PTPRC: variants seen among roughly 807,000 people sequenced by gnomAD.
PTPRC encodes protein tyrosine phosphatase receptor type C, also known as receptor-type tyrosine-protein phosphatase C.
In PTPRC, 44 loss-of-function variants were observed where a neutral mutation model predicts 155.9. The observed-to-expected ratio is 0.28, with a 90% CI of 0.22 to 0.36. The LOEUF (loss-of-function observed/expected upper bound fraction) is 0.36. Ranked by LOEUF, PTPRC falls within the 10% of genes least tolerant of loss-of-function variation. PTPRC has a pLI of 1.00. For synonymous variants in PTPRC, 525 were observed against 533.1 expected (o/e 0.98, Z 0.21); for missense variants, 1,401 against 1,564.6 (o/e 0.90, Z 1.76).
intron 24 of PTPRC, 34 bp downstream of exon 24, chr1:198,742,060 CA>C (rs781182984): frequency 6.2e-6 from 10 of 1,603,796 alleles, no homozygotes; most frequent in African/African-American, 2.7e-5. Flanking sequence ...AAAACAACAA[CA>C]AAAAAACTCC....
chr1:198,670,839 G>C (rs34051705), intron 2 of PTPRC, among the ~76,000 whole-genome samples: 49,632 of 151,808 alleles, frequency 0.33, 9,748 homozygotes, highest in Middle Eastern at 0.46. Context: ...ACCATGGATT[G>C]AAAATATTAG....
At chr1:198,754,704 A>T (rs1655547956) in intron 32 of PTPRC, among the ~76,000 whole-genome samples, 2 of 152,056 alleles carry the variant, frequency 1.3e-5, no homozygotes, top group Admixed American at 6.6e-5. Flanking sequence ...TCACTCCTGT[A>T]TCGATTTGTG....
At chr1:198,656,659 T>TG (rs1280464029) in intron 2 of PTPRC, among the ~76,000 whole-genome samples, 1 of 151,484 alleles carries the variant, frequency 6.6e-6, no homozygotes, top group Non-Finnish European at 1.5e-5. Context: ...TTTTGTTTTT[T>TG]TTTTTTTTGT....
rs1571799742 is a variant in PTPRC, at chr1:198,663,262, G to A, written c.73+23921G>A. ...TGCTGAAGTTCATTCTTTTCAGTGC[G>A]TTAATGGAGCCAAACCAAGCTGGTG... On this transcript the variant is annotated intron_variant, in intron 2 of 32. Coordinates refer to ENST00000442510, the MANE Select transcript of PTPRC (RefSeq NM_002838.5). Among the ~76,000 whole-genome samples, 7 of 152,276 alleles carry A rather than the reference G, an allele frequency of 4.6e-5. 1 individual carries two copies. The Middle Eastern group carries it at 0.02, about 444-fold the overall frequency.
rs771850609 is a variant in PTPRC, at chr1:198,744,113, A to G, written c.2757A>G (p.Glu919=). ...AATACAATCAGTTTGGAGAAACAGAAGTGAATTTGTCTGAATTACATCCAT... is the reference window on the plus strand; with the variant it reads ...AATACAATCAGTTTGGAGAAACAGAGGTGAATTTGTCTGAATTACATCCAT... ...LVEYNQFGET[E]VNLSELHPYL... Residue 919 remains glutamate (E), a synonymous_variant, in exon 26 of 33, where the codon GAA becomes GAG. Coordinates refer to ENST00000442510, the MANE Select transcript of PTPRC (RefSeq NM_002838.5). 9 of 1,605,422 alleles carry G rather than the reference A, an allele frequency of 5.6e-6. No individual in the cohort carries two copies. The South Asian group carries it at 9.9e-5, about 18-fold the overall frequency.
chr1:198,727,990 A>G (rs1654219245), intron 15 of PTPRC, among the ~76,000 whole-genome samples: 1 of 152,194 alleles, frequency 6.6e-6, no homozygotes, highest in Non-Finnish European at 1.5e-5. Context: ...CAAAATTTAT[A>G]ATAACTGGAT....
At chr1:198,692,295 A>G (rs1469364756) in intron 2 of PTPRC, 52 bp from the exon 3 acceptor site, 13 of 1,351,362 alleles carry the variant, frequency 9.6e-6, no homozygotes, top group Non-Finnish European at 1.3e-5. Context: ...TGTTTACATT[A>G]ATATGAATGA....
In PTPRC at chr1:198,734,274, T is replaced by C. The variant is rs767800376; in HGVS notation, c.2179+42T>C. 5.6e-6 allele frequency: 9 copies of C among 1,609,362 alleles called. No individual in the cohort carries two copies. In the African/African-American group the frequency reaches 1.1e-4, roughly 19 times the overall value. ...TCCAATATTCTTTTTGAAAAATTTTTATAGCACTTTTAAGAAAATTTTTCT... is the reference window on the plus strand; with the variant it reads ...TCCAATATTCTTTTTGAAAAATTTTCATAGCACTTTTAAGAAAATTTTTCT... On this transcript the variant is annotated intron_variant, in intron 21 of 32. Transcript: ENST00000442510.
At chr1:198,730,561 T>A (rs1389854478) in intron 17 of PTPRC, among the ~76,000 whole-genome samples, 1 of 151,980 alleles carries the variant, frequency 6.6e-6, no homozygotes, top group African/African-American at 2.4e-5. Flanking sequence ...GAATGAAGAG[T>A]ACAATCAGTA....
intron 2 of PTPRC, among the ~76,000 whole-genome samples, chr1:198,672,119 C>T (rs1664683321): frequency 6.6e-6 from 1 of 152,210 alleles, no homozygotes; most frequent in Admixed American, 6.5e-5. Context: ...ATAGTAACTA[C>T]ATTCCCTTTG....
chr1:198,700,833 A>C (rs971180087), intron 5 of PTPRC, among the ~76,000 whole-genome samples: 32 of 152,202 alleles, frequency 2.1e-4, no homozygotes, highest in African/African-American at 7.7e-4. Context: ...ACCACCACTG[A>C]GAGTACCTAC....
intron 14 of PTPRC, among the ~76,000 whole-genome samples, chr1:198,720,259 G>T (rs1571868376): frequency 6.6e-6 from 1 of 152,140 alleles, no homozygotes; most frequent in East Asian, 1.9e-4. Flanking sequence ...TTGGTATAAA[G>T]GTTACACTGA....
chr1:198,693,963 A>G, intron 3 of PTPRC: 5 of 1,526,738 alleles, frequency 3.3e-6, no homozygotes, highest in Non-Finnish European at 4.4e-6. Flanking sequence ...AGATGTGTAT[A>G]TGAGGGGTAG....
At chr1:198,722,184 C>G (rs181456363) in intron 14 of PTPRC, among the ~76,000 whole-genome samples, 132 of 150,478 alleles carry the variant, frequency 8.8e-4, no homozygotes, top group Admixed American at 7.7e-3. Context: ...TGTTTAATAA[C>G]TATAAATATT....
intron 26 of PTPRC, among the ~76,000 whole-genome samples, chr1:198,745,121 G>A (rs2102525305): frequency 6.6e-6 from 1 of 151,938 alleles, no homozygotes; most frequent in African/African-American, 2.4e-5. Context: ...AGCTGTTAGA[G>A]ACAGTTATAC....
At chr1:198,659,595 C>A (rs553690847) in intron 2 of PTPRC, among the ~76,000 whole-genome samples, 14 of 150,704 alleles carry the variant, frequency 9.3e-5, no homozygotes, top group Non-Finnish European at 2.1e-4. Flanking sequence ...AGTTCAATGG[C>A]ATGATCTCAG....
At chr1:198,645,407 G>T (rs1249288485) in intron 2 of PTPRC, among the ~76,000 whole-genome samples, 1 of 151,676 alleles carries the variant, frequency 6.6e-6, no homozygotes, top group East Asian at 1.9e-4. Flanking sequence ...AATAGAAAAT[G>T]AGGCAGAAAC....
intron 8 of PTPRC, among the ~76,000 whole-genome samples, chr1:198,706,390 G>A (rs1443238869): frequency 1.3e-5 from 2 of 152,120 alleles, no homozygotes; most frequent in African/African-American, 4.8e-5. Context: ...AAGTCAACAA[G>A]TAACTAGTGA....
chr1:198,677,000 A>C (rs886242936), intron 2 of PTPRC, among the ~76,000 whole-genome samples: 4 of 152,224 alleles, frequency 2.6e-5, no homozygotes, highest in African/African-American at 9.6e-5. Flanking sequence ...CTCAGTCCTT[A>C]TAACCTCTTA....
Sources: gnomAD v4.1 joint callset for allele counts (sites outside exome capture counted in the v4.1 genomes callset) on GRCh38, gnomAD v4.1.1 for gene constraint, MANE v1.5 for transcripts, NCBI Gene and HGNC (gene_info 2026-07-23, HGNC 2026-07-21) for gene names.